The following TGFB2 variants were observed in gnomAD, a reference collection of about 807,000 sequenced individuals.
TGFB2 encodes the protein transforming growth factor beta-2 proprotein.
A neutral mutation model predicts 42.7 loss-of-function variants in TGFB2; 13 were observed. The observed-to-expected ratio is 0.30, with a 90% CI of 0.20 to 0.48. TGFB2 has a LOEUF of 0.48. Among genes scored for constraint, TGFB2 ranks in the 20% least tolerant of loss-of-function variants. The pLI is 0.99. For missense variants in TGFB2, 390 were observed against 517.5 expected, an observed-to-expected ratio of 0.75 and a Z score of 2.39; for synonymous variants, 193 against 193.6, an observed-to-expected ratio of 1.00 and a Z score of 0.03.
At position 218,406,332 on chromosome 1, in the gene TGFB2, G is replaced by A. The variant is rs1373555225; in HGVS notation, c.510+1000G>A. 2.7e-5 allele frequency among the ~76,000 whole-genome samples: 4 copies of A among 147,380 alleles called. No individual in the cohort carries two copies. The South Asian group carries it at 8.4e-4, about 31-fold the overall frequency. On this transcript the variant is annotated intron_variant, in intron 2 of 6. Transcript: ENST00000366930. ...GATGATGATGATGAAATGCCAACTT[G>A]CTGAGATTTTCAGAGATGTTCTTAA...
chr1:218,404,896 T>C (rs1282606043), intron 1 of TGFB2, among the ~76,000 whole-genome samples: 1 of 152,248 alleles, frequency 6.6e-6, no homozygotes, highest in Non-Finnish European at 1.5e-5. Context: ...CACCAGTCTG[T>C]CAGCCTTCAA....
At chr1:218,372,357 G>A (rs1657600251) in intron 1 of TGFB2, among the ~76,000 whole-genome samples, 1 of 152,182 alleles carries the variant, frequency 6.6e-6, no homozygotes, top group African/African-American at 2.4e-5. Context: ...CAGCTGGATT[G>A]TATCTTTGCT....
At position 218,346,735 on chromosome 1, in the gene TGFB2, C is replaced by T. The variant is rs1656692866; in HGVS notation, c.34C>T (p.Leu12=). The T allele has an allele frequency of 6.2e-7, 1 of 1,613,642 alleles. No homozygotes were observed. The highest frequency in any genetic ancestry group is 1.3e-5 in the African/African-American group (1 of 74,876). ...CTGTGTGCTGAGCGCTTTTCTGATCCTGCATCTGGTCACGGTCGCGCTCAG... is the reference window on the plus strand; with the variant it reads ...CTGTGTGCTGAGCGCTTTTCTGATCTTGCATCTGGTCACGGTCGCGCTCAG... ...HYCVLSAFLI[L]HLVTVALSLS... is the part of the protein sequence containing the mutation. The change falls in exon 1 of 7, where the codon CTG becomes TTG. Residue 12 remains leucine, a synonymous_variant. Coordinates refer to ENST00000366930, the MANE Select transcript of TGFB2 (RefSeq NM_003238.6). This position sits in a 1 kb window ranked among gnomAD's most constrained non-coding sequence, Gnocchi z 4.9.
chr1:218,408,467 T>C (rs983037737), intron 2 of TGFB2, among the ~76,000 whole-genome samples: 1 of 152,166 alleles, frequency 6.6e-6, no homozygotes, highest in Non-Finnish European at 1.5e-5. Context: ...TCACTGTCAC[T>C]ATACACGGGC....
In TGFB2 at chr1:218,346,888, G is replaced by C; in HGVS notation, c.187G>C (p.Val63Leu). ...PPEDYPEPEE[V>L]PPEVISIYNS... ...AGAAGACTATCCTGAGCCCGAGGAA[G>C]TCCCCCCGGAGGTGATTTCCATCTA... Residue 63 changes from valine (V) to leucine (L), a missense_variant, in exon 1 of 7, where the codon GTC (valine) becomes CTC (leucine). Physicochemically the swap from Val to Leu is conservative, Grantham distance 32. Coordinates refer to ENST00000366930, the MANE Select transcript of TGFB2 (RefSeq NM_003238.6). This position sits in a 1 kb window ranked among gnomAD's most constrained non-coding sequence, Gnocchi z 4.9. 1.2e-6 allele frequency: 2 copies of C among 1,614,188 alleles called. No homozygotes were observed. Among genetic ancestry groups the C allele is most frequent in the Non-Finnish European group, 1.7e-6 (2 of 1,180,034 alleles).
Position 218,348,082 on chromosome 1 carries a change from A to AAAG in TGFB2, c.346+1036_346+1037insAGA, listed in dbSNP as rs1433498641. On this transcript the variant is annotated intron_variant, in intron 1 of 6. Transcript: ENST00000366930. ...TCAGAGTTCTTAAAAAAAGAAAAAA[A>AAAG]AGAAAGAAAGAAAGAAAAGGGGCAG... is the stretch of plus-strand genomic sequence containing the variant. 8.5e-5 allele frequency among the ~76,000 whole-genome samples: 13 copies of AAAG among 152,208 alleles called. No homozygotes were observed. In the South Asian group the frequency reaches 2.5e-3, roughly 29 times the overall value.
intron 1 of TGFB2, among the ~76,000 whole-genome samples, chr1:218,368,571 GA>G (rs1657464227): frequency 6.6e-6 from 1 of 152,238 alleles, no homozygotes; most frequent in African/African-American, 2.4e-5. Context: ...TAATAAAGAT[GA>G]AATAAGAATT....
chr1:218,376,309 C>A (rs550209559), intron 1 of TGFB2, among the ~76,000 whole-genome samples: 2 of 152,162 alleles, frequency 1.3e-5, no homozygotes, highest in African/African-American at 4.8e-5. Flanking sequence ...TACAACCAGG[C>A]GGAACATCAG....
chr1:218,428,972 CTTTTTTTTT>C lies in TGFB2; in HGVS notation c.511-5094_511-5086del, dbSNP rs34950123. Among the ~76,000 whole-genome samples the C allele has an allele frequency of 1.3e-4, 12 of 95,880 alleles. 1 individual carries two copies. Among genetic ancestry groups the C allele is most frequent in the East Asian group, 3.9e-4 (1 of 2,556 alleles). The allele number at this position is 95,880 out of a possible 152,430, so 62.9% of individuals were successfully genotyped here. A position where few individuals can be genotyped will look rare whatever the true frequency, so the allele number is the denominator to read the frequency against. The stretch of plus-strand genomic sequence containing the variant: ...ATTGATTCTCCCTATCCATGAGCAT[CTTTTTTTTT>C]TTTTTTTTTTTTTTTCTGAGACAGA... On this transcript the variant is annotated intron_variant, in intron 2 of 6. Transcript: ENST00000366930.
chr1:218,355,526 CT>C (rs1415723696), intron 1 of TGFB2, among the ~76,000 whole-genome samples: 1 of 152,210 alleles, frequency 6.6e-6, no homozygotes, highest in Non-Finnish European at 1.5e-5. Context: ...TTAAAACTGC[CT>C]CATTGATATT....
At chr1:218,426,164 G>A (rs1356418134) in intron 2 of TGFB2, among the ~76,000 whole-genome samples, 1 of 152,158 alleles carries the variant, frequency 6.6e-6, no homozygotes, top group East Asian at 1.9e-4. Context: ...TGATTGAATA[G>A]CCCCATGGTC....
intron 1 of TGFB2, among the ~76,000 whole-genome samples, chr1:218,347,564 A>G (rs1656730661): frequency 6.6e-6 from 1 of 152,064 alleles, no homozygotes; most frequent in African/African-American, 2.4e-5. Flanking sequence ...ATTGTCTCTA[A>G]CTACCCTAAA....
rs181261168 is a variant in TGFB2 at position 218,416,178 on chromosome 1, C to T, written c.510+10846C>T. Among the ~76,000 whole-genome samples, 4 of 152,220 alleles carry T rather than the reference C, an allele frequency of 2.6e-5. No individual in the cohort carries two copies. The East Asian group carries it at 7.7e-4, about 29-fold the overall frequency. Reference sequence around the variant, plus strand: ...TTTGAAGAGTGATTACAATGACTGACTCCAATAGGGGTGTCTTTTTATCTC... The same window carrying T: ...TTTGAAGAGTGATTACAATGACTGATTCCAATAGGGGTGTCTTTTTATCTC... On this transcript the variant is annotated intron_variant, in intron 2 of 6. Transcript: ENST00000366930.
intron 1 of TGFB2, among the ~76,000 whole-genome samples, chr1:218,385,056 T>C (rs1257327793): frequency 1.3e-5 from 2 of 152,158 alleles, no homozygotes; most frequent in Non-Finnish European, 2.9e-5. Flanking sequence ...ATGGGTGTGG[T>C]GAGTGGGAGG....
At chr1:218,431,925 T>TAAGCTGTATCTTTA (rs1234468813) in intron 2 of TGFB2, among the ~76,000 whole-genome samples, 2 of 152,264 alleles carry the variant, frequency 1.3e-5, no homozygotes, top group Non-Finnish European at 2.9e-5. Flanking sequence ...GGACTGCTAT[T>TAAGCTGTATCTTTA]AAGCTGTATC....
At position 218,444,088 on chromosome 1, in the gene TGFB2, C is replaced by A. The variant is rs560385544; in HGVS notation, c.*2726C>A. 2.6e-5 allele frequency: 4 copies of A among 152,242 alleles called. No homozygotes were observed. The highest frequency in any genetic ancestry group is 4.1e-4 in the South Asian group (2 of 4,822). 9.4% of individuals were successfully genotyped at this position (152,242 alleles called of 1,614,324 possible). ...ATCTCAAGCTGGAAAAGTCATACCA[C>A]CTTTCCGATTGCCCTCTGTGCTTTC... On this transcript the variant is annotated 3_prime_UTR_variant, in exon 7 of 7. Coordinates refer to ENST00000366930, the MANE Select transcript of TGFB2 (RefSeq NM_003238.6).
intron 1 of TGFB2, among the ~76,000 whole-genome samples, chr1:218,389,569 T>C (rs1658255392): frequency 6.6e-6 from 1 of 152,300 alleles, no homozygotes; most frequent in Admixed American, 6.5e-5. Flanking sequence ...CTGAAAAGAA[T>C]TGAGAGGAGT....
chr1:218,390,063 C>T (rs915328088), intron 1 of TGFB2, among the ~76,000 whole-genome samples: 3 of 152,208 alleles, frequency 2.0e-5, no homozygotes, highest in Non-Finnish European at 4.4e-5. Flanking sequence ...CTTTCACCCT[C>T]ACACATTTAT....
At position 218,411,209 on chromosome 1, in the gene TGFB2, A is replaced by G. The variant is rs141426419; in HGVS notation, c.510+5877A>G. 2.8e-4 allele frequency among the ~76,000 whole-genome samples: 43 copies of G among 152,272 alleles called. No individual in the cohort carries two copies. The East Asian group carries it at 6.2e-3, about 22-fold the overall frequency. On this transcript the variant is annotated intron_variant, in intron 2 of 6. Coordinates refer to ENST00000366930, the MANE Select transcript of TGFB2 (RefSeq NM_003238.6). ...ATTCATACCACTGTCTGGGTTATCT[A>G]TTTGCTGCACAACAAGCTTCAAAAT...
Sources: allele counts gnomAD v4.1 joint callset (sites outside exome capture counted in the v4.1 genomes callset), GRCh38; gene constraint gnomAD v4.1.1; non-coding constraint Gnocchi (gnomAD v3.1); transcripts MANE v1.5; gene names NCBI Gene and HGNC (gene_info 2026-07-23, HGNC 2026-07-21).